The following ZNF610 variants were observed in gnomAD, a reference collection of about 807,000 sequenced individuals.
The protein encoded by ZNF610 is zink finger protein.
ZNF610 carries 14 observed loss-of-function variants against 14.1 expected under a neutral mutation model. The observed-to-expected ratio is 0.99, with a 90% CI of 0.65 to 1.55. The LOEUF (loss-of-function observed/expected upper bound fraction) is 1.55. ZNF610 is among the 40% of genes most tolerant of loss of function. ZNF610 has a pLI of 0.00. For missense variants in ZNF610, 530 were observed against 558.0 expected (o/e 0.95, Z 0.51); for synonymous variants, 185 against 187.6 (o/e 0.99, Z 0.11).
chr19:52,356,962 T>C (rs1196798815), intron 5 of ZNF610, among the ~76,000 whole-genome samples: 1 of 152,212 alleles, frequency 6.6e-6, no homozygotes, highest in African/African-American at 2.4e-5. Flanking sequence ...AGTGGCTACT[T>C]GCTGGGGGCC....
chr19:52,365,047 A>C lies in ZNF610; in HGVS notation c.320-651A>C, dbSNP rs547676980. On this transcript the variant is annotated intron_variant, in intron 5 of 5. Transcript: ENST00000403906. ...GATTGCCTGAGGTTGGGAGTTTGAG[A>C]CCAGTCTGGCCAACGTGGTGAAACC... 5.2e-4 allele frequency among the ~76,000 whole-genome samples: 78 copies of C among 151,266 alleles called. 1 individual carries two copies. Among genetic ancestry groups the C allele is most frequent in the African/African-American group, 1.7e-3 (69 of 41,334 alleles).
upstream of ZNF610, among the ~76,000 whole-genome samples, chr19:52,332,172 G>A (rs62111467): frequency 0.082 from 12,497 of 152,282 alleles, 555 homozygotes; most frequent in Middle Eastern, 0.12. The surrounding 1 kb of genome is among the most constrained non-coding windows in gnomAD (Gnocchi z 4.1). Flanking sequence ...CTGAATCAGG[G>A]TAACAAGGGG....
In ZNF610 at chr19:52,366,524, C is replaced by A; in HGVS notation, c.1146C>A (p.His382Gln). Residue 382 changes from histidine to glutamine, a missense_variant, in exon 6 of 6, where the codon CAC becomes CAA. Coordinates refer to ENST00000403906, the MANE Select transcript of ZNF610 (RefSeq NM_001161425.2). ...GTAACGAATGTGGAAGAGCATTTCA[C>A]AAGCGTCCGGGCCTTATGGCCCATC... Reference protein sequence around the residue: ...YKCNECGRAFHKRPGLMAHLL... With the variant: ...YKCNECGRAFQKRPGLMAHLL... The A allele has an allele frequency of 6.2e-7, 1 of 1,613,988 alleles. No homozygotes were observed. Among genetic ancestry groups the A allele is most frequent in the South Asian group, 1.1e-5 (1 of 91,076 alleles).
intron 5 of ZNF610, among the ~76,000 whole-genome samples, chr19:52,356,704 A>G (rs1380021305): frequency 6.6e-6 from 1 of 152,198 alleles, no homozygotes; most frequent in Non-Finnish European, 1.5e-5. Context: ...ACTTTTGCCA[A>G]TTAAATGTAT....
upstream of ZNF610, among the ~76,000 whole-genome samples, chr19:52,333,162 T>C (rs1984247503): frequency 6.6e-6 from 1 of 152,138 alleles, no homozygotes; most frequent in East Asian, 1.9e-4. Flanking sequence ...GCAGGCAACA[T>C]TAGAAGGAGA....
chr19:52,341,905 G>A (rs1391972088), intron 1 of ZNF610, among the ~76,000 whole-genome samples: 1 of 152,172 alleles, frequency 6.6e-6, no homozygotes, highest in Non-Finnish European at 1.5e-5. Flanking sequence ...CGACGTCCTG[G>A]GCTCAAACAA....
At chr19:52,353,544 T>C in intron 3 of ZNF610, 138 bp from the exon 4 acceptor site, 1 of 913,462 alleles carries the variant, frequency 1.1e-6, no homozygotes, top group Non-Finnish European at 1.6e-6. Context: ...GAACATTTAC[T>C]AGAGATTGGA....
upstream of ZNF610, chr19:52,336,194 CCCCGT>C (rs1003303114): frequency 2.7e-5 from 5 of 182,394 alleles, no homozygotes; most frequent in East Asian, 1.8e-4. Flanking sequence ...GGAAGCCCCG[CCCCGT>C]CCCGTCCCGG....
intron 5 of ZNF610, among the ~76,000 whole-genome samples, chr19:52,357,171 A>G (rs1985561457): frequency 6.6e-6 from 1 of 152,128 alleles, no homozygotes; most frequent in Non-Finnish European, 1.5e-5. Flanking sequence ...TGGTTCACAG[A>G]TCTCATGGTA....
intron 1 of ZNF610, among the ~76,000 whole-genome samples, chr19:52,346,130 C>T (rs1267148720): frequency 6.6e-6 from 1 of 151,462 alleles, no homozygotes; most frequent in African/African-American, 2.5e-5. Flanking sequence ...TCCTGAGTAG[C>T]TGGGATTACA....
upstream of ZNF610, among the ~76,000 whole-genome samples, chr19:52,335,953 A>T (rs922919623): frequency 2.0e-5 from 3 of 151,708 alleles, no homozygotes; most frequent in African/African-American, 7.2e-5. Flanking sequence ...GTAGACTCGA[A>T]CTCCTGGGCT....
chr19:52,366,725 T>C lies in ZNF610; in HGVS notation c.1347T>C (p.Ile449=), dbSNP rs368581293. 4 of 1,613,974 alleles carry C rather than the reference T, an allele frequency of 2.5e-6. No individual in the cohort carries two copies. Among genetic ancestry groups the C allele is most frequent in the Non-Finnish European group, 3.4e-6 (4 of 1,179,952 alleles). Residue 449 remains isoleucine, a synonymous_variant, in exon 6 of 6, where the codon ATT becomes ATC. Transcript: ENST00000403906. ...CACACCTTTCACGACATCGGAAAATTCATGCTGGAGAGAATTCACTGCGTA... is the reference window on the plus strand; with the variant it reads ...CACACCTTTCACGACATCGGAAAATCCATGCTGGAGAGAATTCACTGCGTA... ...QNPHLSRHRK[I]HAGENSLRTL... is the part of the protein sequence containing the mutation.
intron 5 of ZNF610, among the ~76,000 whole-genome samples, chr19:52,356,037 A>G (rs1985507463): frequency 6.6e-6 from 1 of 152,206 alleles, no homozygotes; most frequent in African/African-American, 2.4e-5. Context: ...TCTTTCTGGT[A>G]ATCAGCCCCA....
intron 2 of ZNF610, among the ~76,000 whole-genome samples, chr19:52,348,844 G>A (rs565420945): frequency 6.6e-6 from 1 of 152,242 alleles, no homozygotes; most frequent in Non-Finnish European, 1.5e-5. Context: ...GGGGAGGAGG[G>A]GCTGTGCTCT....
chr19:52,352,992 G>A (rs1985331731), intron 3 of ZNF610, among the ~76,000 whole-genome samples: 1 of 152,112 alleles, frequency 6.6e-6, no homozygotes, highest in Non-Finnish European at 1.5e-5. Context: ...AGGCTGGAGT[G>A]CAGTGGTGCG....
chr19:52,340,050 G>C (rs572617442), intron 1 of ZNF610, among the ~76,000 whole-genome samples: 1 of 152,208 alleles, frequency 6.6e-6, no homozygotes, highest in Non-Finnish European at 1.5e-5. Context: ...TCTCCAAGTA[G>C]ACAGTAGCAA....
chr19:52,331,076 G>T, the ZNF610 span, among the ~76,000 whole-genome samples: 1 of 152,182 alleles, frequency 6.6e-6, no homozygotes, highest in African/African-American at 2.4e-5. Flanking sequence ...GCACAGTGCT[G>T]CTTCCTTTTA....
At chr19:52,340,117 C>T (rs564503438) in intron 1 of ZNF610, among the ~76,000 whole-genome samples, 8 of 152,262 alleles carry the variant, frequency 5.3e-5, no homozygotes, top group African/African-American at 9.6e-5. Context: ...CTGGTCAGCA[C>T]GGGCCAGACG....
At chr19:52,355,846 T>C (rs1224776991) in intron 5 of ZNF610, among the ~76,000 whole-genome samples, 1 of 152,216 alleles carries the variant, frequency 6.6e-6, no homozygotes, top group Non-Finnish European at 1.5e-5. Flanking sequence ...CGTGGGAAGA[T>C]TGACTGGGTG....
Sources: allele counts gnomAD v4.1 joint callset (sites outside exome capture counted in the v4.1 genomes callset), GRCh38; gene constraint gnomAD v4.1.1; non-coding constraint Gnocchi (gnomAD v3.1); transcripts MANE v1.5; gene names NCBI Gene and HGNC (gene_info 2026-07-23, HGNC 2026-07-21).